The following SLC22A24 variants were observed in gnomAD, a reference collection of about 807,000 sequenced individuals.
SLC22A24 encodes the protein steroid transmembrane transporter SLC22A24.
In SLC22A24, 53 loss-of-function variants were observed where a neutral mutation model predicts 49.8. The ratio of observed to expected loss-of-function variants is 1.06; its 90% CI spans 0.85 to 1.34. The LOEUF (loss-of-function observed/expected upper bound fraction) is 1.34, where lower values mean the gene tolerates loss of function less well. SLC22A24 is among the 40% of genes most tolerant of loss of function. The probability of loss-of-function intolerance (pLI) is 0.00; values close to 1 mark genes in which losing one functional copy is unlikely to be tolerated. For synonymous variants in SLC22A24, 302 were observed against 256.4 expected, an observed-to-expected ratio of 1.18 and a Z score of -1.70; for missense variants, 786 against 675.9, an observed-to-expected ratio of 1.16 and a Z score of -1.81.
In SLC22A24 at chr11:63,118,983, A is replaced by G. The variant is rs1412374806; in HGVS notation, c.759T>C (p.Phe253=). Residue 253 remains phenylalanine, a synonymous_variant, in exon 4 of 10, where the codon TTT becomes TTC. Transcript: ENST00000612278. ...GCAATATGTGCCAGTCCTGAATGGC[A>G]AAAGCCAGCCCTCCTAGGAGCATCT... The part of the protein sequence containing the change: ...VGQMLLGGLA[F]AIQDWHILQL... 1.3e-6 allele frequency: 2 copies of G among 1,551,806 alleles called. No homozygotes were observed. The highest frequency in any genetic ancestry group is 1.7e-6 in the Non-Finnish European group (2 of 1,147,020).
rs377238314 is a variant in SLC22A24, at chr11:63,143,564, G to A, written c.216C>T (p.Leu72=). The change falls in exon 1 of 10, where the codon CTC becomes CTT. Residue 72 remains leucine, a synonymous_variant. Coordinates refer to ENST00000612278, the MANE Select transcript of SLC22A24 (RefSeq NM_001136506.2). Reference sequence around the variant, plus strand: ...AGTCCAGTGGGATGGAGATTCTCAGGAGGTCATCCTTGCTGAGGGTCCCGG... The same window carrying A: ...AGTCCAGTGGGATGGAGATTCTCAGAAGGTCATCCTTGCTGAGGGTCCCGG... ...NDTGTLSKDD[L]LRISIPLDSN... 193 of 1,575,394 alleles carry A rather than the reference G, an allele frequency of 1.2e-4. 1 individual carries two copies. The African/African-American group carries it at 2.0e-3, about 16-fold the overall frequency.
intron 6 of SLC22A24, 120 bp from the exon 7 acceptor site, chr11:63,083,577 G>T: frequency 1.3e-6 from 1 of 765,850 alleles, no homozygotes; most frequent in Non-Finnish European, 2.1e-6. Context: ...TTGGCAAATG[G>T]TGTTTTTCCT....
chr11:63,082,043 T>G (rs890823768), intron 7 of SLC22A24, among the ~76,000 whole-genome samples: 2 of 152,214 alleles, frequency 1.3e-5, no homozygotes, highest in African/African-American at 2.4e-5. Context: ...TTTAATTTTT[T>G]CTATGTAATA....
intron 4 of SLC22A24, among the ~76,000 whole-genome samples, chr11:63,115,031 TGAG>T (rs1035825418): frequency 1.3e-5 from 2 of 152,272 alleles, no homozygotes; most frequent in African/African-American, 4.8e-5. Flanking sequence ...GGGACCCACT[TGAG>T]GAGGCAGCCT....
chr11:63,107,195 T>C (rs909613372), intron 4 of SLC22A24, among the ~76,000 whole-genome samples: 1 of 152,238 alleles, frequency 6.6e-6, no homozygotes, highest in African/African-American at 2.4e-5. Flanking sequence ...GGGGATCTTT[T>C]CCCCATTTCT....
intron 4 of SLC22A24, among the ~76,000 whole-genome samples, chr11:63,112,441 A>G (rs904001119): frequency 1.7e-4 from 26 of 152,170 alleles, no homozygotes; most frequent in South Asian, 1.7e-3. Context: ...TCTAATGTTG[A>G]TAGTGGGGTG....
At chr11:63,121,987 G>A (rs1177297940) in intron 2 of SLC22A24, among the ~76,000 whole-genome samples, 1 of 152,116 alleles carries the variant, frequency 6.6e-6, no homozygotes, top group East Asian at 1.9e-4. Context: ...AACAAATGGG[G>A]TAGACATGAA....
intron 2 of SLC22A24, among the ~76,000 whole-genome samples, chr11:63,127,209 A>G (rs2087297918): frequency 6.6e-6 from 1 of 152,122 alleles, no homozygotes; most frequent in Non-Finnish European, 1.5e-5. Context: ...ACTCCCACCT[A>G]TAAGTGAGAA....
intron 6 of SLC22A24, among the ~76,000 whole-genome samples, chr11:63,094,378 CATT>C (rs2087039745): frequency 6.6e-6 from 1 of 152,042 alleles, no homozygotes. Context: ...TCCAGTCTAT[CATT>C]GTTAGACATT....
chr11:63,107,123 G>A lies in SLC22A24; in HGVS notation c.831-2825C>T, dbSNP rs544683011. ...AATTTTTGTATAAGGTGTAAGGAAG[G>A]GATCCAGTTTCAGCTTTCTACATAT... On this transcript the variant is annotated intron_variant, in intron 4 of 9. Coordinates refer to ENST00000612278, the MANE Select transcript of SLC22A24 (RefSeq NM_001136506.2). Among the ~76,000 whole-genome samples, 13 of 152,266 alleles carry A rather than the reference G, an allele frequency of 8.5e-5. No individual in the cohort carries two copies. The South Asian group carries it at 2.1e-3, about 24-fold the overall frequency.
chr11:63,134,775 G>A lies in SLC22A24; in HGVS notation c.403-7C>T, dbSNP rs780852127. 1.9e-6 allele frequency: 3 copies of A among 1,556,130 alleles called. No homozygotes were observed. Among genetic ancestry groups the A allele is most frequent in the African/African-American group, 2.7e-5 (2 of 73,460 alleles). ...ATTCACATACCAGGTCCCACTGGAA[G>A]AGAAAGAAAGCAGTACAGCAGAGCT... On this transcript the variant is annotated splice_region_variant and splice_polypyrimidine_tract_variant and intron_variant, in intron 1 of 9. Coordinates refer to ENST00000612278, the MANE Select transcript of SLC22A24 (RefSeq NM_001136506.2).
chr11:63,113,143 T>TATATATATACATATATATACAC (rs2087184088), intron 4 of SLC22A24, among the ~76,000 whole-genome samples: 1 of 5,080 alleles, frequency 2.0e-4, no homozygotes, highest in African/African-American at 6.0e-4. Context: ...TATATACACA[T>TATATATATACATATATATACAC]ATATATATAC....
intron 4 of SLC22A24, among the ~76,000 whole-genome samples, chr11:63,111,593 G>A (rs1276891162): frequency 2.0e-4 from 31 of 151,730 alleles, no homozygotes; most frequent in African/African-American, 7.2e-4. Flanking sequence ...TGTATGTGTC[G>A]AGGAATTTAT....
chr11:63,104,940 T>A (rs1049725352), intron 4 of SLC22A24, among the ~76,000 whole-genome samples: 2 of 152,204 alleles, frequency 1.3e-5, no homozygotes, highest in African/African-American at 4.8e-5. Context: ...AAGTCCCTTC[T>A]GCCTATGAGC....
At chr11:63,132,283 C>T (rs1439122337) in intron 2 of SLC22A24, among the ~76,000 whole-genome samples, 1 of 152,198 alleles carries the variant, frequency 6.6e-6, no homozygotes, top group Non-Finnish European at 1.5e-5. Flanking sequence ...CTACTTCTGT[C>T]AACTTGTCAA....
intron 2 of SLC22A24, among the ~76,000 whole-genome samples, chr11:63,127,844 C>A (rs1305753363): frequency 1.3e-5 from 2 of 151,228 alleles, no homozygotes; most frequent in African/African-American, 2.4e-5. Flanking sequence ...TGTTTAAGTT[C>A]TTTTTAGATT....
rs1281784700 is a variant in SLC22A24, at chr11:63,139,224, A to G, written c.402+4154T>C. 2.0e-5 allele frequency among the ~76,000 whole-genome samples: 3 copies of G among 151,894 alleles called. No homozygotes were observed. The East Asian group carries it at 5.8e-4, about 29-fold the overall frequency. Reference sequence around the variant, plus strand: ...TCTTAATGCACACACGAGGGGCCCTAAGATAATTTCTGGTAGCCTGGAACT... The same window carrying G: ...TCTTAATGCACACACGAGGGGCCCTGAGATAATTTCTGGTAGCCTGGAACT... On this transcript the variant is annotated intron_variant, in intron 1 of 9. Coordinates refer to ENST00000612278, the MANE Select transcript of SLC22A24 (RefSeq NM_001136506.2).
In SLC22A24 at chr11:63,119,359, C is replaced by A. The variant is rs768300114; in HGVS notation, c.507-24G>T. 1.0e-5 allele frequency: 15 copies of A among 1,493,800 alleles called. No homozygotes were observed. The South Asian group carries it at 1.6e-4, about 16-fold the overall frequency. 92.5% of individuals were successfully genotyped at this position (1,493,800 alleles called of 1,614,324 possible). On this transcript the variant is annotated intron_variant, in intron 2 of 9. Coordinates refer to ENST00000612278, the MANE Select transcript of SLC22A24 (RefSeq NM_001136506.2). ...CCCTAAGAAATATTAAACCAGATAA[C>A]GTTACTTAGGAACAAAAATAACACG... is the stretch of plus-strand genomic sequence containing the variant.
intron 6 of SLC22A24, among the ~76,000 whole-genome samples, chr11:63,086,894 TA>T (rs2086989805): frequency 2.0e-5 from 3 of 152,118 alleles, no homozygotes; most frequent in South Asian, 4.2e-4. Context: ...TACAATTTGT[TA>T]AAAAAATATG....
Sources: allele counts gnomAD v4.1 joint callset (sites outside exome capture counted in the v4.1 genomes callset), GRCh38; gene constraint gnomAD v4.1.1; transcripts MANE v1.5; gene names NCBI Gene and HGNC (gene_info 2026-07-23, HGNC 2026-07-21).